The following INSR variants were observed in gnomAD, a reference collection of about 807,000 sequenced individuals.
INSR encodes the protein IR.
INSR carries 67 observed loss-of-function variants against 142.6 expected under a neutral mutation model. That is an observed-to-expected ratio of 0.47 (90% CI 0.39 to 0.58). The LOEUF is 0.58. Among genes scored for constraint, INSR ranks in the 20% least tolerant of loss-of-function variants. The probability of loss-of-function intolerance (pLI) is 0.00; values close to 1 mark genes in which losing one functional copy is unlikely to be tolerated. For missense variants in INSR, 1,248 were observed against 1,833.2 expected (o/e 0.68, Z 5.83); for synonymous variants, 756 against 743.1 (o/e 1.02, Z -0.28).
In INSR at chr19:7,285,993, G is replaced by C. The variant is rs376293375; in HGVS notation, c.100+7799C>G. ...ATAATGTTTAAAATATTTTGTTGTT[G>C]TTGTTGTTACACAGTCTCACTATGT... On this transcript the variant is annotated intron_variant, in intron 1 of 21. Transcript: ENST00000302850. Among the ~76,000 whole-genome samples, 73 of 152,234 alleles carry C rather than the reference G, an allele frequency of 4.8e-4. 1 individual carries two copies. In the Middle Eastern group the frequency reaches 0.02, roughly 43 times the overall value.
At chr19:7,153,081 A>C (rs984523962) in intron 9 of INSR, among the ~76,000 whole-genome samples, 154 bp from the exon 10 acceptor site, 2 of 48,784 alleles carry the variant, frequency 4.1e-5, no homozygotes, top group African/African-American at 8.7e-5. Context: ...CACATCACAC[A>C]ACACACCACA....
Position 7,216,374 on chromosome 19 carries a change from CAG to C in INSR, c.653-31739_653-31738del, listed in dbSNP as rs377298673. Among the ~76,000 whole-genome samples, 31 of 152,232 alleles carry C rather than the reference CAG, an allele frequency of 2.0e-4. No homozygotes were observed. The South Asian group carries it at 6.4e-3, about 32-fold the overall frequency. On this transcript the variant is annotated intron_variant, in intron 2 of 21. Coordinates refer to ENST00000302850, the MANE Select transcript of INSR (RefSeq NM_000208.4). This position sits in a 1 kb window ranked among gnomAD's most constrained non-coding sequence, Gnocchi z 4.2. Reference sequence around the variant, plus strand: ...CTGACTGTGCCTCTGAAATCCTAAACAGAATATTACATGGCGTCTTGGACCTC... The same window carrying C: ...CTGACTGTGCCTCTGAAATCCTAAACAATATTACATGGCGTCTTGGACCTC...
chr19:7,146,014 G>T (rs1973175744), intron 11 of INSR, among the ~76,000 whole-genome samples: 1 of 151,970 alleles, frequency 6.6e-6, no homozygotes, highest in Non-Finnish European at 1.5e-5. Flanking sequence ...CTTTCTCTAA[G>T]TTAGGAATTT....
intron 3 of INSR, among the ~76,000 whole-genome samples, chr19:7,183,573 G>A (rs1380503684): frequency 6.6e-6 from 1 of 151,982 alleles, no homozygotes; most frequent in African/African-American, 2.4e-5. Flanking sequence ...GTATGTTCTG[G>A]GCTAATCTTG....
intron 1 of INSR, among the ~76,000 whole-genome samples, chr19:7,292,553 C>T (rs1968525983): frequency 6.6e-6 from 1 of 152,028 alleles, no homozygotes; most frequent in African/African-American, 2.4e-5. Flanking sequence ...ACTCTAGCAC[C>T]TGATTTTACA....
chr19:7,253,977 C>T (rs549611481), intron 2 of INSR, among the ~76,000 whole-genome samples: 133 of 142,834 alleles, frequency 9.3e-4, no homozygotes, highest in African/African-American at 3.4e-3. Flanking sequence ...TGCAGTGAGC[C>T]GAGATTGTGT....
At position 7,115,894 on chromosome 19, in the gene INSR, TA is replaced by T. The variant is rs1326192071; in HGVS notation, c.*1161del. On this transcript the variant is annotated 3_prime_UTR_variant, in exon 22 of 22. Transcript: ENST00000302850. ...CTTCATTCCCAGAAATGGATGCCTT[TA>T]AGACCAAACAAAGAGGCCACTTGTG... 6.6e-6 allele frequency: 1 copy of T among 152,190 alleles called. No individual in the cohort carries two copies. Among genetic ancestry groups the T allele is most frequent in the Admixed American group, 6.5e-5 (1 of 15,280 alleles). 9.4% of individuals were successfully genotyped at this position (152,190 alleles called of 1,614,324 possible).
At chr19:7,214,044 G>T (rs1419779886) in intron 2 of INSR, among the ~76,000 whole-genome samples, 1 of 152,064 alleles carries the variant, frequency 6.6e-6, no homozygotes, top group African/African-American at 2.4e-5. Flanking sequence ...ACCCAGACAG[G>T]TTGGCTGTTA....
chr19:7,179,464 G>A (rs1974221175), intron 3 of INSR, among the ~76,000 whole-genome samples: 1 of 152,234 alleles, frequency 6.6e-6, no homozygotes, highest in African/African-American at 2.4e-5. Context: ...CAGAACAGCT[G>A]AGGCAGAAAC....
intron 15 of INSR, among the ~76,000 whole-genome samples, chr19:7,126,889 G>GTTTTGT (rs958100516): frequency 1.1e-4 from 16 of 150,058 alleles, no homozygotes; most frequent in South Asian, 4.3e-4. Flanking sequence ...TTTTTTTTTT[G>GTTTTGT]TTTTGTTTTT....
chr19:7,266,383 C>CTT lies in INSR; in HGVS notation c.652+960_652+961dup, dbSNP rs746892721. ...TCTCTTTGTGAAAACTAGAAATTAT[C>CTT]TTTTTTTTTTTTTTTTTTTGAGAAG... On this transcript the variant is annotated intron_variant, in intron 2 of 21. Transcript: ENST00000302850. Among the ~76,000 whole-genome samples the CTT allele has an allele frequency of 4.2e-3, 516 of 123,244 alleles. 6 individuals carry two copies. Among genetic ancestry groups the CTT allele is most frequent in the African/African-American group, 0.013 (418 of 31,824 alleles). The allele number at this position is 123,244 out of a possible 152,430, so 80.9% of individuals were successfully genotyped here. A position where few individuals can be genotyped will look rare whatever the true frequency, so the allele number is the denominator to read the frequency against.
chr19:7,228,100 TGTGGTACAGGGTG>T (rs1354892081), intron 2 of INSR, among the ~76,000 whole-genome samples: 1 of 152,150 alleles, frequency 6.6e-6, no homozygotes, highest in Non-Finnish European at 1.5e-5. Context: ...CCCTCTTCAC[TGTGGTACAGGGTG>T]GTTCTGAAAC....
chr19:7,158,234 C>T (rs1265267963), intron 9 of INSR, among the ~76,000 whole-genome samples: 3 of 152,006 alleles, frequency 2.0e-5, no homozygotes, highest in African/African-American at 7.2e-5. Flanking sequence ...GGCGCGGTGA[C>T]TCACGCCTGT....
rs1390362506 is a variant in INSR at position 7,219,483 on chromosome 19, GGGAA to G, written c.653-34850_653-34847del. On this transcript the variant is annotated intron_variant, in intron 2 of 21. Coordinates refer to ENST00000302850, the MANE Select transcript of INSR (RefSeq NM_000208.4). ...GAGAGAGAGAGAGAAAAGGGAGGGAGGGAAGGAAGGAAGGAGGGAGGGAGGGAAC... is the reference window on the plus strand; with the variant it reads ...GAGAGAGAGAGAGAAAAGGGAGGGAGGGAAGGAAGGAGGGAGGGAGGGAAC... Among the ~76,000 whole-genome samples, 489 of 142,660 alleles carry G rather than the reference GGGAA, an allele frequency of 3.4e-3. 5 individuals are homozygous for G. The highest frequency in any genetic ancestry group is 0.012 in the African/African-American group (450 of 38,678). 93.6% of individuals were successfully genotyped at this position (142,660 alleles called of 152,430 possible). A position where few individuals can be genotyped will look rare whatever the true frequency, so the allele number is the denominator to read the frequency against.
rs537558793 is a variant in INSR, at chr19:7,181,246, C to CAGGT, written c.974+3066_974+3069dup. On this transcript the variant is annotated intron_variant, in intron 3 of 21. Transcript: ENST00000302850. The stretch of plus-strand genomic sequence containing the variant: ...TAGGCGTGAGCCACCGCGCCTGGCC[C>CAGGT]AGGTGGCCACTTTTTACCAGTGTCA... 1.5e-3 allele frequency among the ~76,000 whole-genome samples: 228 copies of CAGGT among 152,152 alleles called. 1 individual carries two copies. The highest frequency in any genetic ancestry group is 3.4e-3 in the Middle Eastern group (1 of 294).
intron 17 of INSR, among the ~76,000 whole-genome samples, chr19:7,124,602 TA>T (rs1972594852): frequency 3.2e-5 from 1 of 31,388 alleles, no homozygotes; most frequent in Non-Finnish European, 5.0e-5. Flanking sequence ...TATATATATA[TA>T]TATATATATA....
chr19:7,217,716 C>T (rs1975479310), intron 2 of INSR, among the ~76,000 whole-genome samples: 1 of 152,198 alleles, frequency 6.6e-6, no homozygotes, highest in South Asian at 2.1e-4. Context: ...CCCGCCACCA[C>T]ACCTGGCTAA....
In INSR at chr19:7,119,451, T is replaced by G; in HGVS notation, c.3792A>C (p.Arg1264Ser). 2.5e-6 allele frequency: 4 copies of G among 1,614,068 alleles called. No individual in the cohort carries two copies. In the South Asian group the frequency reaches 4.4e-5, roughly 18 times the overall value. Residue 1264 changes from arginine to serine, a missense_variant and splice_region_variant, in exon 21 of 22, where the codon AGA (arginine) becomes AGC (serine). Transcript: ENST00000302850. This position sits in a 1 kb window ranked among gnomAD's most constrained non-coding sequence, Gnocchi z 5.2. ...CCTTAAACCCTTTCTACACTTACAC[T>G]CTCTCTGGACAGTTGTCGGGTTGAT... The part of the protein sequence containing the change: ...YLDQPDNCPE[R>S]VTDLMRMCWQ...
chr19:7,259,359 G>A (rs1003773611), intron 2 of INSR, among the ~76,000 whole-genome samples: 2 of 151,990 alleles, frequency 1.3e-5, no homozygotes, highest in Non-Finnish European at 2.9e-5. Context: ...GAAGGGGTGG[G>A]CGGGGCAGTG....
Sources: allele counts gnomAD v4.1 joint callset (sites outside exome capture counted in the v4.1 genomes callset), GRCh38; gene constraint gnomAD v4.1.1; non-coding constraint Gnocchi (gnomAD v3.1); transcripts MANE v1.5; gene names NCBI Gene and HGNC (gene_info 2026-07-23, HGNC 2026-07-21).